Variants in ARPC1B observed in about 807,000 individuals in gnomAD.
ARPC1B encodes the protein actin-related protein 2/3 complex subunit 1B.
A neutral mutation model predicts 46.0 loss-of-function variants in ARPC1B; 29 were observed. The ratio of observed to expected loss-of-function variants is 0.63; its 90% CI spans 0.47 to 0.86. ARPC1B has a LOEUF of 0.86. ARPC1B is among the 40% of genes least tolerant of loss of function. The pLI is 0.00. For missense variants in ARPC1B, 469 were observed against 529.4 expected (o/e 0.89, Z 1.12); for synonymous variants, 201 against 213.9 (o/e 0.94, Z 0.53).
chr7:99,390,007 G>T lies in ARPC1B; in HGVS notation c.495G>T (p.Lys165Asn), dbSNP rs757287136. The T allele has an allele frequency of 1.2e-6, 2 of 1,613,908 alleles. No homozygotes were observed. Among genetic ancestry groups the T allele is most frequent in the Non-Finnish European group, 1.7e-6 (2 of 1,179,900 alleles). The change falls in exon 5 of 10, where the codon AAG becomes AAT. Residue 165 changes from lysine to asparagine, a missense_variant. Coordinates refer to ENST00000646101, the MANE Select transcript of ARPC1B (RefSeq NM_005720.4). ...TGGCTGCCGGCTCCTGTGACTTCAA[G>T]TGTCGGTGAGACAGGGCGCCATGGG... is the stretch of plus-strand genomic sequence containing the variant. ...VLLAAGSCDF[K>N]CRIFSAYIKE...
At chr7:99,393,919 T>C (rs1584414388) in intron 8 of ARPC1B, 110 bp from the exon 9 acceptor site, 1 of 1,088,838 alleles carries the variant, frequency 9.2e-7, no homozygotes, top group East Asian at 2.4e-5. Flanking sequence ...CCTCGGTACT[T>C]CTCACTAAAG....
chr7:99,388,433 G>A (rs1209778042), intron 4 of ARPC1B, among the ~76,000 whole-genome samples, 172 bp downstream of exon 4: 1 of 152,086 alleles, frequency 6.6e-6, no homozygotes, highest in African/African-American at 2.4e-5. Context: ...TGCAGCGTCC[G>A]GATGTTCTCA....
At chr7:99,388,344 G>A in intron 4 of ARPC1B, 83 bp downstream of exon 4, 1 of 1,368,060 alleles carries the variant, frequency 7.3e-7, no homozygotes, top group Non-Finnish European at 1.0e-6. Flanking sequence ...CAAATGGGAT[G>A]TCAGGACCCC....
intron 3 of ARPC1B, 54 bp downstream of exon 3, chr7:99,386,843 G>A: frequency 6.5e-6 from 9 of 1,391,462 alleles, no homozygotes; most frequent in Non-Finnish European, 9.1e-6. Flanking sequence ...GGGTTGGGGG[G>A]GTGGTGCAAG....
intron 8 of ARPC1B, 91 bp downstream of exon 8, chr7:99,392,967 T>C (rs1043090615): frequency 2.9e-5 from 38 of 1,295,230 alleles, no homozygotes; most frequent in Non-Finnish European, 3.9e-5. Context: ...GTCTTCCTCC[T>C]GGGGCATTGT....
intron 3 of ARPC1B, among the ~76,000 whole-genome samples, chr7:99,387,589 T>G (rs921146967): frequency 6.6e-6 from 1 of 151,932 alleles, no homozygotes; most frequent in Non-Finnish European, 1.5e-5. Flanking sequence ...ATACAAAAAT[T>G]AGCCAGGCAT....
In ARPC1B at chr7:99,390,845, G is replaced by A. The variant is rs375689438; in HGVS notation, c.501-48G>A. The A allele has an allele frequency of 5.2e-5, 79 of 1,522,678 alleles. No homozygotes were observed. The East Asian group carries it at 6.8e-4, about 13-fold the overall frequency. The allele number at this position is 1,522,678 out of a possible 1,614,324, so 94.3% of individuals were successfully genotyped here. ...CCTGAGTAGCTGAGAGTACAGGTGC[G>A]CACCACCATGCCTGGCTACTTTACC... On this transcript the variant is annotated intron_variant, in intron 5 of 9. Transcript: ENST00000646101.
chr7:99,380,628 T>C (rs999590872), intron 1 of ARPC1B, among the ~76,000 whole-genome samples: 1 of 152,182 alleles, frequency 6.6e-6, no homozygotes, highest in Non-Finnish European at 1.5e-5. Flanking sequence ...TCAAGTCCTC[T>C]CGGTTGCCCT....
chr7:99,375,817 C>T (rs1023454784), intron 1 of ARPC1B, among the ~76,000 whole-genome samples: 64 of 152,192 alleles, frequency 4.2e-4, no homozygotes, highest in African/African-American at 1.5e-3. Flanking sequence ...AATCCCAACA[C>T]TTTGGGAGTC....
intron 5 of ARPC1B, among the ~76,000 whole-genome samples, chr7:99,390,464 G>C (rs1352287505): frequency 2.0e-5 from 3 of 151,934 alleles, no homozygotes; most frequent in African/African-American, 7.3e-5. Context: ...CGCCTGCTGA[G>C]TTCAAGCGAT....
At chr7:99,390,809 C>T (rs766004348) in intron 5 of ARPC1B, 84 bp from the exon 6 acceptor site, 127 of 1,276,976 alleles carry the variant, frequency 9.9e-5, no homozygotes, top group Non-Finnish European at 1.3e-4. Context: ...GCAATCCTCC[C>T]GCCTCAGCCT....
intron 1 of ARPC1B, among the ~76,000 whole-genome samples, chr7:99,378,588 CAGG>C (rs1794100961): frequency 1.3e-5 from 2 of 150,842 alleles, no homozygotes; most frequent in South Asian, 4.2e-4. Flanking sequence ...GAGGCTGAGA[CAGG>C]AGAATTGCTT....
intron 1 of ARPC1B, among the ~76,000 whole-genome samples, chr7:99,382,528 GGT>G (rs1196248220): frequency 8.6e-5 from 13 of 151,956 alleles, no homozygotes; most frequent in Non-Finnish European, 1.6e-4. Flanking sequence ...GTCACACAGT[GGT>G]ACAATCATAG....
intron 3 of ARPC1B, 148 bp downstream of exon 3, chr7:99,386,937 G>C: frequency 1.5e-6 from 1 of 655,552 alleles, no homozygotes. Context: ...TAAGGGGACT[G>C]TGTTGGCTCA....
At chr7:99,380,597 A>G (rs1044396163) in intron 1 of ARPC1B, among the ~76,000 whole-genome samples, 1 of 152,106 alleles carries the variant, frequency 6.6e-6, no homozygotes, top group African/African-American at 2.4e-5. Flanking sequence ...TCTAGGTCCT[A>G]GAAACAGTGG....
intron 4 of ARPC1B, chr7:99,389,331 C>G (rs1461051775): frequency 1.3e-5 from 2 of 153,548 alleles, no homozygotes; most frequent in Non-Finnish European, 2.9e-5. Flanking sequence ...CTCCTGAGCT[C>G]AAGTAATCCT....
chr7:99,390,841 G>A, intron 5 of ARPC1B, 52 bp from the exon 6 acceptor site: 1 of 1,515,452 alleles, frequency 6.6e-7, no homozygotes, highest in Non-Finnish European at 9.0e-7. Context: ...GAGAGTACAG[G>A]TGCGCACCAC....
intron 5 of ARPC1B, among the ~76,000 whole-genome samples, 190 bp from the exon 6 acceptor site, chr7:99,390,703 T>A (rs188025229): frequency 0.05 from 6,721 of 134,572 alleles, 513 homozygotes; most frequent in African/African-American, 0.16. Context: ...TTAAAAAAAA[T>A]TTTTTTTTTT....
Position 99,391,010 on chromosome 7 carries a change from T to C in ARPC1B, c.618T>C (p.His206=). 6.2e-7 allele frequency: 1 copy of C among 1,613,946 alleles called. No individual in the cohort carries two copies. The highest frequency in any genetic ancestry group is 1.1e-5 in the South Asian group (1 of 91,088). Residue 206 remains histidine (H), a synonymous_variant, in exon 6 of 10, where the codon CAT becomes CAC. Coordinates refer to ENST00000646101, the MANE Select transcript of ARPC1B (RefSeq NM_005720.4). The part of the protein sequence containing the change: ...FESSSSCGWV[H]GVCFSASGSR... ...CCAGCAGTAGCTGCGGCTGGGTACA[T>C]GGCGTCTGTTTCTCAGCCAGCGGGA...
Sources: gnomAD v4.1 joint callset for allele counts (sites outside exome capture counted in the v4.1 genomes callset) on GRCh38, gnomAD v4.1.1 for gene constraint, MANE v1.5 for transcripts, NCBI Gene and HGNC (gene_info 2026-07-23, HGNC 2026-07-21) for gene names.